Variants in POU6F2 observed in about 807,000 individuals in gnomAD.
POU6F2 encodes the protein POU domain, class 6, transcription factor 2.
In POU6F2, 31 loss-of-function variants were observed where a neutral mutation model predicts 71.3. That is an observed-to-expected ratio of 0.43 (90% CI 0.33 to 0.59). The LOEUF is 0.59. POU6F2 is among the 20% of genes least tolerant of loss of function. The probability of loss-of-function intolerance (pLI) is 0.04; values close to 1 mark genes in which losing one functional copy is unlikely to be tolerated. For missense variants in POU6F2, 783 were observed against 856.8 expected (o/e 0.91, Z 1.07); for synonymous variants, 347 against 355.7 (o/e 0.98, Z 0.27).
rs888265022 is a variant in POU6F2 at position 39,288,303 on chromosome 7, C to G, written c.599-51339C>G. On this transcript the variant is annotated intron_variant, in intron 4 of 9. Transcript: ENST00000518318. The stretch of plus-strand genomic sequence containing the variant: ...GAGTTCAAAGCCCACCTCTGCCCCT[C>G]TCAGCTATGTGACATGGCAAATAAC... 2.6e-5 allele frequency among the ~76,000 whole-genome samples: 4 copies of G among 152,190 alleles called. No individual in the cohort carries two copies. In the South Asian group the frequency reaches 8.3e-4, roughly 32 times the overall value.
At chr7:39,351,835 A>C (rs1786145054) in intron 5 of POU6F2, among the ~76,000 whole-genome samples, 1 of 152,188 alleles carries the variant, frequency 6.6e-6, no homozygotes, top group Non-Finnish European at 1.5e-5. Context: ...GTAAGAAGTG[A>C]GATTTAAACT....
intron 4 of POU6F2, among the ~76,000 whole-genome samples, chr7:39,338,317 C>T (rs1583535576): frequency 6.6e-6 from 1 of 152,334 alleles, no homozygotes; most frequent in East Asian, 1.9e-4. Context: ...CAAAAGCAGG[C>T]CTTTCTCTAA....
chr7:39,152,601 A>G (rs1443839785), intron 2 of POU6F2, among the ~76,000 whole-genome samples: 1 of 152,084 alleles, frequency 6.6e-6, no homozygotes, highest in Admixed American at 6.5e-5. Context: ...AAGGTCATTC[A>G]GTGATTTGCT....
chr7:38,996,320 T>C (rs1456407453), intron 1 of POU6F2, among the ~76,000 whole-genome samples: 1 of 151,752 alleles, frequency 6.6e-6, no homozygotes, highest in Non-Finnish European at 1.5e-5. Context: ...GGATTATAGA[T>C]GTGAGCCACT....
chr7:39,366,342 G>T (rs1197204561), intron 5 of POU6F2, among the ~76,000 whole-genome samples: 2 of 152,026 alleles, frequency 1.3e-5, no homozygotes, highest in Admixed American at 1.3e-4. Flanking sequence ...GTATTGGAAG[G>T]AGATAAATAT....
intron 2 of POU6F2, among the ~76,000 whole-genome samples, chr7:39,109,111 T>A (rs971683856): frequency 3.3e-5 from 5 of 152,178 alleles, no homozygotes; most frequent in Admixed American, 1.3e-4. Context: ...AGTGGTGTGA[T>A]CATGACTCAC....
At chr7:39,159,321 C>T (rs938740398) in intron 2 of POU6F2, among the ~76,000 whole-genome samples, 2 of 151,982 alleles carry the variant, frequency 1.3e-5, no homozygotes, top group East Asian at 1.9e-4. Context: ...GATATATAAC[C>T]GCTTTTTCTT....
intron 1 of POU6F2, among the ~76,000 whole-genome samples, chr7:39,082,385 T>C (rs1045575306): frequency 4.6e-5 from 7 of 152,180 alleles, no homozygotes; most frequent in African/African-American, 1.7e-4. Flanking sequence ...ACATCTTCTA[T>C]TGTGATAGTA....
At chr7:39,080,684 C>T (rs1292773418) in intron 1 of POU6F2, among the ~76,000 whole-genome samples, 1 of 152,128 alleles carries the variant, frequency 6.6e-6, no homozygotes, top group East Asian at 1.9e-4. Context: ...TTCCTCAAAG[C>T]TGTTCTGATG....
At chr7:39,257,312 G>A (rs919400416) in intron 4 of POU6F2, among the ~76,000 whole-genome samples, 2 of 152,078 alleles carry the variant, frequency 1.3e-5, no homozygotes, top group Non-Finnish European at 2.9e-5. Flanking sequence ...GAAAAACCTA[G>A]AAATTATTTA....
At chr7:39,006,975 G>C (rs915204948) in intron 1 of POU6F2, 1 of 1,097,954 alleles carries the variant, frequency 9.1e-7, no homozygotes, top group Non-Finnish European at 1.4e-6. Flanking sequence ...ATGTTTCCTT[G>C]AGTCAAATGA....
At chr7:39,138,868 C>T (rs76854318) in intron 2 of POU6F2, among the ~76,000 whole-genome samples, 129 of 152,264 alleles carry the variant, frequency 8.5e-4, no homozygotes, top group African/African-American at 3.0e-3. Flanking sequence ...TTCCCTTTCA[C>T]GTCATGGAGT....
chr7:39,307,198 A>T (rs1406171372), intron 4 of POU6F2, among the ~76,000 whole-genome samples: 2 of 152,208 alleles, frequency 1.3e-5, no homozygotes, highest in Admixed American at 6.5e-5. Context: ...TGCTAGGTCA[A>T]TATTTAATAG....
At chr7:39,455,694 G>A (rs560636593) in intron 8 of POU6F2, among the ~76,000 whole-genome samples, 5 of 152,050 alleles carry the variant, frequency 3.3e-5, no homozygotes, top group Admixed American at 6.6e-5. Flanking sequence ...ACTGATGCCC[G>A]GGCTAAGAGT....
intron 4 of POU6F2, among the ~76,000 whole-genome samples, chr7:39,292,417 A>G (rs1051675454): frequency 2.6e-5 from 4 of 152,216 alleles, no homozygotes; most frequent in Non-Finnish European, 5.9e-5. Flanking sequence ...TGTTTTCATT[A>G]TCTGTTCAAG....
chr7:39,198,333 G>T (rs1793826642), intron 2 of POU6F2, among the ~76,000 whole-genome samples: 1 of 152,168 alleles, frequency 6.6e-6, no homozygotes, highest in Non-Finnish European at 1.5e-5. Flanking sequence ...CCAAATAAGA[G>T]ATTTGTAGAA....
chr7:39,240,203 C>A (rs568649972), intron 4 of POU6F2, among the ~76,000 whole-genome samples: 3 of 151,988 alleles, frequency 2.0e-5, no homozygotes, highest in Non-Finnish European at 4.4e-5. Flanking sequence ...TTAAGGTGGC[C>A]ATGTGCAAGG....
intron 3 of POU6F2, among the ~76,000 whole-genome samples, chr7:39,205,513 C>A (rs1453462607): frequency 1.3e-5 from 2 of 152,106 alleles, no homozygotes; most frequent in Non-Finnish European, 2.9e-5. Context: ...CCAAAACCCC[C>A]AAATCTATGA....
chr7:39,332,571 A>C (rs1005508455), intron 4 of POU6F2, among the ~76,000 whole-genome samples: 2 of 152,224 alleles, frequency 1.3e-5, no homozygotes, highest in African/African-American at 4.8e-5. Flanking sequence ...TTAGCAATAG[A>C]ATTCTTGGTG....
Sources: allele counts gnomAD v4.1 joint callset (sites outside exome capture counted in the v4.1 genomes callset), GRCh38; gene constraint gnomAD v4.1.1; transcripts MANE v1.5; gene names NCBI Gene and HGNC (gene_info 2026-07-23, HGNC 2026-07-21).